LSAMP: variants seen among roughly 807,000 people sequenced by gnomAD.
LSAMP encodes limbic system-associated membrane protein.
Under a neutral mutation model 38.6 loss-of-function variants are expected in LSAMP, and 7 were observed. The ratio of observed to expected loss-of-function variants is 0.18; its 90% confidence interval spans 0.10 to 0.34. The LOEUF is 0.34. Ranked by LOEUF, LSAMP falls within the 10% of genes least tolerant of loss-of-function variation. The probability of loss-of-function intolerance (pLI) is 1.00; values close to 1 mark genes in which losing one functional copy is unlikely to be tolerated. For synonymous variants in LSAMP, 154 were observed against 166.8 expected (o/e 0.92, Z 0.59); for missense variants, 313 against 420.0 (o/e 0.75, Z 2.23).
At chr3:115,857,169 C>T (rs147921855) in intron 3 of LSAMP, among the ~76,000 whole-genome samples, 9 of 152,318 alleles carry the variant, frequency 5.9e-5, no homozygotes, top group East Asian at 1.9e-4. Flanking sequence ...GACACAGGCA[C>T]GATACAATCT....
chr3:115,977,238 G>A (rs1939215963), intron 3 of LSAMP, among the ~76,000 whole-genome samples: 2 of 152,140 alleles, frequency 1.3e-5, no homozygotes, highest in Admixed American at 1.3e-4. Context: ...TGGATGAAAA[G>A]AAGATAGATT....
intron 3 of LSAMP, among the ~76,000 whole-genome samples, chr3:116,004,535 T>TATAC (rs1553758549): frequency 0.021 from 3,130 of 149,166 alleles, 84 homozygotes; most frequent in African/African-American, 0.06. Context: ...TATATATATA[T>TATAC]ACACACACAC....
chr3:116,077,275 C>G (rs968274363), intron 2 of LSAMP, among the ~76,000 whole-genome samples: 1 of 151,712 alleles, frequency 6.6e-6, no homozygotes, highest in Non-Finnish European at 1.5e-5. Context: ...TGTTGGTATG[C>G]TTGCATTAGT....
At chr3:116,277,546 A>G (rs1007664889) in intron 1 of LSAMP, among the ~76,000 whole-genome samples, 4 of 151,256 alleles carry the variant, frequency 2.6e-5, no homozygotes, top group African/African-American at 9.7e-5. Context: ...ATTTTTTTGT[A>G]TTTTTTAGTA....
chr3:116,351,734 C>A (rs772781263), intron 1 of LSAMP, among the ~76,000 whole-genome samples: 1 of 152,038 alleles, frequency 6.6e-6, no homozygotes, highest in Non-Finnish European at 1.5e-5. Flanking sequence ...GTGAAAGATT[C>A]TTTTGCTATC....
At chr3:115,846,481 T>C (rs1473570536) in intron 4 of LSAMP, among the ~76,000 whole-genome samples, 1 of 152,194 alleles carries the variant, frequency 6.6e-6, no homozygotes, top group Non-Finnish European at 1.5e-5. Flanking sequence ...ATTTAATGTA[T>C]AGTCATTTAC....
At chr3:116,351,631 A>T (rs9861474) in intron 1 of LSAMP, among the ~76,000 whole-genome samples, 24,389 of 152,070 alleles carry the variant, frequency 0.16, 2,328 homozygotes, top group African/African-American at 0.26. Context: ...CTCCACTGGA[A>T]ACTACAGAAT....
At position 116,444,801 on chromosome 3, in the gene LSAMP, CACACACACAA is replaced by C. The variant is rs1396758808; in HGVS notation, c.155+66_155+75del. 1,087 of 1,517,756 alleles carry C rather than the reference CACACACACAA, an allele frequency of 7.2e-4. 6 individuals are homozygous for C. In the African/African-American group the frequency reaches 0.018, roughly 26 times the overall value. The allele number at this position is 1,517,756 out of a possible 1,614,324, so 94.0% of individuals were successfully genotyped here. ...CAAGGAGATCAGACACACACACACA[CACACACACAA>C]ACACACACACACACACACACACACG... On this transcript the variant is annotated intron_variant, in intron 1 of 6. Transcript: ENST00000490035.
chr3:116,226,894 G>T (rs1415185402), intron 1 of LSAMP, among the ~76,000 whole-genome samples: 1 of 152,162 alleles, frequency 6.6e-6, no homozygotes, highest in East Asian at 1.9e-4. Context: ...GTTGCCTTTT[G>T]TAGCCCTTCC....
intron 1 of LSAMP, among the ~76,000 whole-genome samples, chr3:116,318,397 AC>A (rs1215854897): frequency 6.6e-6 from 1 of 152,172 alleles, no homozygotes; most frequent in Non-Finnish European, 1.5e-5. Context: ...GTTGGGCACA[AC>A]CATCTCTGAT....
rs566090312 is a variant in LSAMP, at chr3:115,897,938, T to C, written c.515-45321A>G. Among the ~76,000 whole-genome samples, 10 of 152,254 alleles carry C rather than the reference T, an allele frequency of 6.6e-5. No individual in the cohort carries two copies. The East Asian group carries it at 1.2e-3, about 18-fold the overall frequency. On this transcript the variant is annotated intron_variant, in intron 3 of 6. Transcript: ENST00000490035. The stretch of plus-strand genomic sequence containing the variant: ...TGTTGGCAGGCAAAATACCGCTTCA[T>C]GTGGGAGCAGTTCGTGAGCTCTGGC...
At chr3:116,381,931 A>G (rs2048564040) in intron 1 of LSAMP, among the ~76,000 whole-genome samples, 1 of 152,092 alleles carries the variant, frequency 6.6e-6, no homozygotes, top group Non-Finnish European at 1.5e-5. Context: ...GCCAAATTTG[A>G]CCATGGCTTG....
intron 3 of LSAMP, among the ~76,000 whole-genome samples, chr3:115,993,163 G>A (rs1474830034): frequency 6.6e-6 from 1 of 152,032 alleles, no homozygotes; most frequent in Non-Finnish European, 1.5e-5. Flanking sequence ...GAGATTTTTG[G>A]GAGAAGGTGA....
chr3:115,955,512 T>TATA lies in LSAMP; in HGVS notation c.514+64000_514+64002dup, dbSNP rs1938427889. ...TAGACACTGTACTAAGTGCTAGGGA[T>TATA]ATAACCATACACAAAATCAGCATGG... On this transcript the variant is annotated intron_variant, in intron 3 of 6. Transcript: ENST00000490035. Among the ~76,000 whole-genome samples the TATA allele has an allele frequency of 2.0e-5, 3 of 152,296 alleles. No individual in the cohort carries two copies. The South Asian group carries it at 6.2e-4, about 32-fold the overall frequency.
intron 3 of LSAMP, among the ~76,000 whole-genome samples, chr3:115,923,286 G>A (rs1053115054): frequency 6.6e-6 from 1 of 152,142 alleles, no homozygotes; most frequent in African/African-American, 2.4e-5. Context: ...AAGAAATTGC[G>A]AGCCAGTGTG....
At chr3:115,849,542 T>G (rs1935265209) in intron 4 of LSAMP, among the ~76,000 whole-genome samples, 1 of 152,144 alleles carries the variant, frequency 6.6e-6, no homozygotes. Flanking sequence ...TGGCCAGTAG[T>G]TATCTCAACC....
intron 1 of LSAMP, among the ~76,000 whole-genome samples, chr3:116,350,732 T>C (rs1463805185): frequency 6.6e-6 from 1 of 151,574 alleles, no homozygotes; most frequent in African/African-American, 2.4e-5. Context: ...CATGAAAAGG[T>C]GAAAGTTCTT....
rs1001835872 is a variant in LSAMP, at chr3:116,005,839, T to C, written c.514+13676A>G. On this transcript the variant is annotated intron_variant, in intron 3 of 6. Coordinates refer to ENST00000490035, the MANE Select transcript of LSAMP (RefSeq NM_002338.5). ...TATAGAGAAGACAACCAGGGTTGGCTCTACTGATAGGCCATTCAGACTTTG... is the reference window on the plus strand; with the variant it reads ...TATAGAGAAGACAACCAGGGTTGGCCCTACTGATAGGCCATTCAGACTTTG... Among the ~76,000 whole-genome samples the C allele has an allele frequency of 2.6e-5, 4 of 152,186 alleles. No individual in the cohort carries two copies. The South Asian group carries it at 8.3e-4, about 32-fold the overall frequency.
At chr3:116,343,351 C>T (rs565495076) in intron 1 of LSAMP, among the ~76,000 whole-genome samples, 2 of 152,242 alleles carry the variant, frequency 1.3e-5, no homozygotes, top group African/African-American at 2.4e-5. Context: ...AGAGTAAAAA[C>T]CCACCCTAGA....
Sources: allele counts gnomAD v4.1 joint callset (sites outside exome capture counted in the v4.1 genomes callset), GRCh38; gene constraint gnomAD v4.1.1; transcripts MANE v1.5; gene names NCBI Gene and HGNC (gene_info 2026-07-23, HGNC 2026-07-21).